The following SLC7A14 variants were observed in gnomAD, a reference collection of about 807,000 sequenced individuals.
SLC7A14 encodes solute carrier family 7 member 14.
Under a neutral mutation model 60.2 loss-of-function variants are expected in SLC7A14, and 37 were observed. That is an observed-to-expected ratio of 0.61 (90% CI 0.47 to 0.81). The LOEUF is 0.81. Among genes scored for constraint, SLC7A14 ranks in the 30% least tolerant of loss-of-function variants. The pLI is 0.00. For synonymous variants in SLC7A14, 399 were observed against 395.8 expected (o/e 1.01, Z -0.10); for missense variants, 886 against 982.7 (o/e 0.90, Z 1.32).
intron 1 of SLC7A14, among the ~76,000 whole-genome samples, chr3:170,573,451 A>G (rs1419404187): frequency 2.0e-5 from 3 of 152,256 alleles, no homozygotes; most frequent in Non-Finnish European, 4.4e-5. Context: ...TACGTGAATA[A>G]TGATAATGAT....
chr3:170,481,676 A>C (rs2108269438), intron 6 of SLC7A14, among the ~76,000 whole-genome samples: 1 of 152,304 alleles, frequency 6.6e-6, no homozygotes, highest in South Asian at 2.1e-4. Context: ...TTGGGATTAT[A>C]GGTGTGAGCC....
At chr3:170,552,637 T>C (rs1714382376) in intron 1 of SLC7A14, among the ~76,000 whole-genome samples, 1 of 152,182 alleles carries the variant, frequency 6.6e-6, no homozygotes, top group South Asian at 2.1e-4. Flanking sequence ...CCCCAACTGT[T>C]TTGACAGTCA....
At chr3:170,545,396 C>A (rs1714149365) in intron 1 of SLC7A14, among the ~76,000 whole-genome samples, 1 of 152,102 alleles carries the variant, frequency 6.6e-6, no homozygotes, top group African/African-American at 2.4e-5. Flanking sequence ...GTCTTTTTCC[C>A]TTCCTCTATT....
Position 170,585,055 on chromosome 3 carries a change from G to A in SLC7A14, c.-153+856C>T, listed in dbSNP as rs1560288417. Among the ~76,000 whole-genome samples the A allele has an allele frequency of 6.6e-6, 1 of 152,170 alleles. No homozygotes were observed. Among genetic ancestry groups the A allele is most frequent in the East Asian group, 1.9e-4 (1 of 5,172 alleles). ...CAATATAAAATACTCATTTGGGGAG[G>A]GGGCAGGGTGACACAGGAGAGAGAA... is the stretch of plus-strand genomic sequence containing the variant. On this transcript the variant is annotated intron_variant, in intron 1 of 7. Coordinates refer to ENST00000231706, the MANE Select transcript of SLC7A14 (RefSeq NM_020949.3). The surrounding 1 kb of genome is among the most constrained non-coding windows in gnomAD (Gnocchi z 5.1).
intron 4 of SLC7A14, among the ~76,000 whole-genome samples, chr3:170,493,654 C>A (rs1712292524): frequency 6.6e-6 from 1 of 152,150 alleles, no homozygotes; most frequent in Non-Finnish European, 1.5e-5. Flanking sequence ...GTGTGTATTA[C>A]CTTGGTGTAT....
intron 2 of SLC7A14, among the ~76,000 whole-genome samples, chr3:170,525,253 A>G (rs1384092775): frequency 6.6e-6 from 1 of 152,258 alleles, no homozygotes; most frequent in Non-Finnish European, 1.5e-5. Flanking sequence ...CTACTCCAGC[A>G]ATTCTGGGAA....
chr3:170,578,329 A>T (rs1284169892), intron 1 of SLC7A14, among the ~76,000 whole-genome samples: 1 of 152,260 alleles, frequency 6.6e-6, no homozygotes, highest in Non-Finnish European at 1.5e-5. Context: ...GACAATGTAG[A>T]TTCCCACACA....
At chr3:170,507,723 T>C (rs544712302) in intron 2 of SLC7A14, among the ~76,000 whole-genome samples, 1 of 152,200 alleles carries the variant, frequency 6.6e-6, no homozygotes, top group Non-Finnish European at 1.5e-5. Flanking sequence ...TCTACTTGTA[T>C]AGTTTAAAGC....
chr3:170,538,355 G>C lies in SLC7A14; in HGVS notation c.-152-11267C>G, dbSNP rs185025218. Among the ~76,000 whole-genome samples the C allele has an allele frequency of 2.6e-5, 4 of 152,220 alleles. No homozygotes were observed. The East Asian group carries it at 7.7e-4, about 29-fold the overall frequency. ...CTTGTACTTCAGATTTTGCTCTTGT[G>C]GGGGCTGGCCACCTGTTTCTTTGAG... On this transcript the variant is annotated intron_variant, in intron 1 of 7. Coordinates refer to ENST00000231706, the MANE Select transcript of SLC7A14 (RefSeq NM_020949.3).
chr3:170,475,519 G>T (rs983206779), intron 7 of SLC7A14, among the ~76,000 whole-genome samples: 6 of 152,128 alleles, frequency 3.9e-5, no homozygotes, highest in Non-Finnish European at 8.8e-5. Flanking sequence ...GGGATTGTGG[G>T]TTGGATATAT....
intron 1 of SLC7A14, among the ~76,000 whole-genome samples, chr3:170,567,802 GTCT>G (rs1294152216): frequency 1.3e-5 from 2 of 151,928 alleles, no homozygotes; most frequent in Non-Finnish European, 2.9e-5. Flanking sequence ...CTGCATAAAT[GTCT>G]TCTTTTGAGA....
At chr3:170,483,245 C>T (rs953230576) in intron 6 of SLC7A14, 69 bp downstream of exon 6, 1 of 1,554,502 alleles carries the variant, frequency 6.4e-7, no homozygotes, top group Admixed American at 1.7e-5. Context: ...GTCAGTCTGA[C>T]AGTGGGTAGA....
At chr3:170,536,113 C>T (rs979030575) in intron 1 of SLC7A14, among the ~76,000 whole-genome samples, 2 of 152,156 alleles carry the variant, frequency 1.3e-5, no homozygotes, top group East Asian at 3.8e-4. Flanking sequence ...AATCCCTGAG[C>T]GTCAGTTTTA....
rs1739682262 is a variant in SLC7A14, at chr3:170,464,856, T to C, written c.*2199A>G. The C allele has an allele frequency of 6.6e-6, 1 of 152,234 alleles. No homozygotes were observed. Among genetic ancestry groups the C allele is most frequent in the African/African-American group, 2.4e-5 (1 of 41,456 alleles). 9.4% of individuals were successfully genotyped at this position (152,234 alleles called of 1,614,324 possible). On this transcript the variant is annotated 3_prime_UTR_variant, in exon 8 of 8. Coordinates refer to ENST00000231706, the MANE Select transcript of SLC7A14 (RefSeq NM_020949.3). ...AAGATTTTGCCATTTTGCACTCCTA[T>C]TTCTCTATTCTCATGCTTAATGAAT...
chr3:170,500,585 A>G (rs1425788753), intron 3 of SLC7A14, among the ~76,000 whole-genome samples: 5 of 151,702 alleles, frequency 3.3e-5, no homozygotes, highest in Non-Finnish European at 5.9e-5. Flanking sequence ...GCTGGAACCC[A>G]TTTTATTCAT....
At position 170,509,780 on chromosome 3, in the gene SLC7A14, A is replaced by G. The variant is rs867441130; in HGVS notation, c.305-8435T>C. On this transcript the variant is annotated intron_variant, in intron 2 of 7. Transcript: ENST00000231706. The stretch of plus-strand genomic sequence containing the variant: ...ACCAACATGGAGAAACCTTGTCTCT[A>G]CGAAAAATACAAAATTAGCCGGGCG... Among the ~76,000 whole-genome samples the G allele has an allele frequency of 1.1e-4, 16 of 151,500 alleles. 1 individual carries two copies. In the Middle Eastern group the frequency reaches 0.017, roughly 162 times the overall value.
intron 6 of SLC7A14, among the ~76,000 whole-genome samples, chr3:170,482,031 G>A (rs952232067): frequency 1.3e-5 from 2 of 152,210 alleles, no homozygotes; most frequent in African/African-American, 4.8e-5. Context: ...CAAAGCTTGA[G>A]ACACCACCTA....
rs1715353667 is a variant in SLC7A14, at chr3:170,585,322, G to A, written c.-153+589C>T. ...CACTCTCCGGGGACAGACGCCCCTCGGGGCGCCACCATCCTGGTCGGGGTG... is the reference window on the plus strand; with the variant it reads ...CACTCTCCGGGGACAGACGCCCCTCAGGGCGCCACCATCCTGGTCGGGGTG... On this transcript the variant is annotated intron_variant, in intron 1 of 7. Coordinates refer to ENST00000231706, the MANE Select transcript of SLC7A14 (RefSeq NM_020949.3). The surrounding 1 kb of genome is among the most constrained non-coding windows in gnomAD (Gnocchi z 5.1). 6.6e-6 allele frequency among the ~76,000 whole-genome samples: 1 copy of A among 152,114 alleles called. No homozygotes were observed.
chr3:170,534,397 G>A (rs1276032813), intron 1 of SLC7A14, among the ~76,000 whole-genome samples: 1 of 152,174 alleles, frequency 6.6e-6, no homozygotes, highest in African/African-American at 2.4e-5. Flanking sequence ...ATATGACCAA[G>A]CCCAAAGTTA....
Sources: gnomAD v4.1 joint callset for allele counts (sites outside exome capture counted in the v4.1 genomes callset) on GRCh38, gnomAD v4.1.1 for gene constraint, Gnocchi (gnomAD v3.1) non-coding constraint, MANE v1.5 for transcripts, NCBI Gene and HGNC (gene_info 2026-07-23, HGNC 2026-07-21) for gene names.